PRKDC: variants seen among roughly 807,000 people sequenced by gnomAD.
PRKDC encodes protein kinase, DNA-activated, catalytic subunit.
A neutral mutation model predicts 486.9 loss-of-function variants in PRKDC; 82 were observed. The observed-to-expected ratio is 0.17, with a 90% CI of 0.14 to 0.20. PRKDC has a LOEUF of 0.20. PRKDC is among the 10% of genes least tolerant of loss of function. PRKDC has a pLI of 1.00. For missense variants in PRKDC, 4,504 were observed against 5,038.2 expected (o/e 0.89, Z 3.21); for synonymous variants, 1,895 against 1,837.0 (o/e 1.03, Z -0.81).
At position 47,803,498 on chromosome 8, in the gene PRKDC, A is replaced by G; in HGVS notation, c.9748-18T>C. 1 of 1,612,606 alleles carries G rather than the reference A, an allele frequency of 6.2e-7. No individual in the cohort carries two copies. Among genetic ancestry groups the G allele is most frequent in the Non-Finnish European group, 8.5e-7 (1 of 1,178,668 alleles). Reference sequence around the variant, plus strand: ...AAATTGTTCTGTATGAATACAATAAAAAGAGAGAAGGTGGTATGATGATAC... The same window carrying G: ...AAATTGTTCTGTATGAATACAATAAGAAGAGAGAAGGTGGTATGATGATAC... On this transcript the variant is annotated intron_variant, in intron 69 of 85. Transcript: ENST00000314191.
At chr8:47,822,315 C>A (rs1189175208) in intron 64 of PRKDC, among the ~76,000 whole-genome samples, 1 of 149,946 alleles carries the variant, frequency 6.7e-6, no homozygotes, top group Non-Finnish European at 1.5e-5. Context: ...CCACAAAAAT[C>A]CTAACTAGGA....
At chr8:47,927,990 C>G (rs1473388209) in intron 19 of PRKDC, 100 bp from the exon 20 acceptor site, 17 of 1,147,040 alleles carry the variant, frequency 1.5e-5, no homozygotes, top group Middle Eastern at 2.7e-4. Context: ...AAAATTGGCA[C>G]GTAGCCTTTA....
chr8:47,874,982 G>A (rs1268516540), intron 40 of PRKDC, among the ~76,000 whole-genome samples: 1 of 152,138 alleles, frequency 6.6e-6, no homozygotes, highest in Non-Finnish European at 1.5e-5. Context: ...CTGAACCCAG[G>A]AGGAGGTCAA....
intron 35 of PRKDC, 35 bp downstream of exon 35, chr8:47,887,512 T>A: frequency 2.0e-6 from 3 of 1,506,874 alleles, no homozygotes; most frequent in Non-Finnish European, 2.7e-6. Context: ...TTTCTATTAT[T>A]AGGGGAGTGC....
In PRKDC at chr8:47,823,873, A is replaced by G; in HGVS notation, c.8907T>C (p.Ala2969=). 2.5e-6 allele frequency: 4 copies of G among 1,613,868 alleles called. No individual in the cohort carries two copies. The highest frequency in any genetic ancestry group is 2.5e-6 in the Non-Finnish European group (3 of 1,179,830). ...TCAATTTTACCTCATCATACTGCTT[A>G]GCAGCTTCAGAATAATCACTTCTGG... is the stretch of plus-strand genomic sequence containing the variant. ...AEARSDYSEA[A]KQYDEALNKQ... Residue 2969 remains alanine, a synonymous_variant, in exon 64 of 86, where the codon GCT becomes GCC. Transcript: ENST00000314191.
rs144463751 is a variant in PRKDC, at chr8:47,858,710, A to C, written c.6346-75T>G. 1.4e-5 allele frequency: 20 copies of C among 1,443,872 alleles called. No individual in the cohort carries two copies. In the South Asian group the frequency reaches 2.4e-4, roughly 17 times the overall value. 89.4% of individuals were successfully genotyped at this position (1,443,872 alleles called of 1,614,324 possible). A position where few individuals can be genotyped will look rare whatever the true frequency, so the allele number is the denominator to read the frequency against. ...TACATTTTGATATTATGGGAAAACA[A>C]GGACAAAGTAAGACATGAACAAAAA... On this transcript the variant is annotated intron_variant, in intron 47 of 85. Coordinates refer to ENST00000314191, the MANE Select transcript of PRKDC (RefSeq NM_006904.7).
At position 47,862,499 on chromosome 8, in the gene PRKDC, A is replaced by T; in HGVS notation, c.5793T>A (p.Asn1931Lys). 2.5e-6 allele frequency: 4 copies of T among 1,613,530 alleles called. No individual in the cohort carries two copies. The highest frequency in any genetic ancestry group is 3.4e-6 in the Non-Finnish European group (4 of 1,179,656). Reference sequence around the variant, plus strand: ...AAAGTCTTCTCCTCTCCAGCAGCTGATTCTCTCCTGCCATGTTCTCTGTAA... The same window carrying T: ...AAAGTCTTCTCCTCTCCAGCAGCTGTTTCTCTCCTGCCATGTTCTCTGTAA... ...DAFTENMAGENQLLERRRLYH... is the reference protein window; with the variant it reads ...DAFTENMAGEKQLLERRRLYH... The change falls in exon 43 of 86, where the codon AAT becomes AAA. Residue 1931 changes from asparagine to lysine, a missense_variant. Asn to Lys is a moderately conservative substitution (Grantham distance 94). Transcript: ENST00000314191.
intron 40 of PRKDC, 66 bp from the exon 41 acceptor site, chr8:47,864,829 T>G: frequency 1.5e-6 from 2 of 1,335,798 alleles, no homozygotes; most frequent in South Asian, 3.3e-5. Flanking sequence ...GAGTGCCTAC[T>G]ACATAACAGG....
At chr8:47,794,543 C>A (rs1272719052) in intron 73 of PRKDC, 42 bp from the exon 74 acceptor site, 16 of 1,450,118 alleles carry the variant, frequency 1.1e-5, no homozygotes, top group Admixed American at 2.0e-5. Context: ...TAAAACATCT[C>A]ACATCATCTG....
chr8:47,959,477 G>A (rs2154504839), intron 1 of PRKDC, among the ~76,000 whole-genome samples: 1 of 152,098 alleles, frequency 6.6e-6, no homozygotes, highest in Admixed American at 6.5e-5. Context: ...AGGAGTTCGA[G>A]ACCAGCCTGA....
In PRKDC at chr8:47,864,705, C is replaced by T. The variant is rs369147816; in HGVS notation, c.5422G>A (p.Asp1808Asn). The change falls in exon 41 of 86, where the codon GAT becomes AAT. Residue 1808 changes from aspartate (D) to asparagine (N), a missense_variant. Coordinates refer to ENST00000314191, the MANE Select transcript of PRKDC (RefSeq NM_006904.7). The part of the protein sequence containing the change: ...LESVYEMFRK[D>N]DPRLSFTRQS... Reference sequence around the variant, plus strand: ...CGTGTGAAACTTAGGCGGGGGTCATCCTTCCTGAACATTTCATACACGCTT... The same window carrying T: ...CGTGTGAAACTTAGGCGGGGGTCATTCTTCCTGAACATTTCATACACGCTT... 6.2e-7 allele frequency: 1 copy of T among 1,606,522 alleles called. No individual in the cohort carries two copies. The highest frequency in any genetic ancestry group is 8.5e-7 in the Non-Finnish European group (1 of 1,176,382).
chr8:47,784,528 AC>A (rs1164832357), intron 77 of PRKDC, among the ~76,000 whole-genome samples: 3 of 152,354 alleles, frequency 2.0e-5, no homozygotes, highest in Admixed American at 6.5e-5. Context: ...GAGAATATGA[AC>A]AACCAGATTA....
At chr8:47,892,768 T>C (rs2089490257) in intron 31 of PRKDC, among the ~76,000 whole-genome samples, 1 of 152,220 alleles carries the variant, frequency 6.6e-6, no homozygotes, top group Non-Finnish European at 1.5e-5. Flanking sequence ...ATTAAGGGAC[T>C]CTGCAAAATT....
rs1022825426 is a variant in PRKDC at position 47,821,319 on chromosome 8, C to A, written c.9111+285G>T. ...CCTGTGTTTAGCCAGTGATCCGGGGCGACTTCTTGTAATATAAGAGACAAC... is the reference window on the plus strand; with the variant it reads ...CCTGTGTTTAGCCAGTGATCCGGGGAGACTTCTTGTAATATAAGAGACAAC... On this transcript the variant is annotated intron_variant, in intron 65 of 85. Transcript: ENST00000314191. Among the ~76,000 whole-genome samples, 7 of 152,068 alleles carry A rather than the reference C, an allele frequency of 4.6e-5. No individual in the cohort carries two copies. The East Asian group carries it at 1.4e-3, about 29-fold the overall frequency.
chr8:47,793,121 C>T (rs979855571), intron 74 of PRKDC, among the ~76,000 whole-genome samples: 10 of 152,212 alleles, frequency 6.6e-5, no homozygotes, highest in Admixed American at 1.3e-4. Context: ...TGGCCTCAAG[C>T]GATTCTTCCA....
At chr8:47,788,451 A>C (rs1413084334) in intron 76 of PRKDC, among the ~76,000 whole-genome samples, 4 of 152,240 alleles carry the variant, frequency 2.6e-5, no homozygotes, top group African/African-American at 9.6e-5. Flanking sequence ...GCTCTTGGTG[A>C]GCAGTTTTGT....
chr8:47,857,128 T>C, intron 49 of PRKDC, 28 bp downstream of exon 49: 1 of 1,606,382 alleles, frequency 6.2e-7, no homozygotes, highest in Non-Finnish European at 8.5e-7. Context: ...GGATAATATA[T>C]TAACATAAAA....
rs780223465 is a variant in PRKDC at position 47,799,378 on chromosome 8, G to A, written c.10129C>T (p.Leu3377=). Residue 3377 remains leucine (L), a synonymous_variant, in exon 72 of 86, where the codon CTG becomes TTG. Coordinates refer to ENST00000314191, the MANE Select transcript of PRKDC (RefSeq NM_006904.7). Reference sequence around the variant, plus strand: ...AGGTGCTGGAATGCTCTCTGGTACAGACCCGCGATCACCTGGAATTCACAG... The same window carrying A: ...AGGTGCTGGAATGCTCTCTGGTACAAACCCGCGATCACCTGGAATTCACAG... ...SEDSEKVIAG[L]YQRAFQHLSE... The A allele has an allele frequency of 6.4e-7, 1 of 1,554,360 alleles. No homozygotes were observed. The highest frequency in any genetic ancestry group is 8.7e-7 in the Non-Finnish European group (1 of 1,153,982).
At position 47,927,868 on chromosome 8, in the gene PRKDC, T is replaced by C. The variant is rs2090179144; in HGVS notation, c.2162A>G (p.Tyr721Cys). Residue 721 changes from tyrosine to cysteine, a missense_variant, in exon 20 of 86, where the codon TAC becomes TGC. Transcript: ENST00000314191. ...ACAAGAGGCCAAAAGTTCATCTTTG[T>C]ACTGCTTCATTTTAACTGCCACCTT... Reference protein sequence around the residue: ...GKEVAVKMKQYKDELLASCLT... With the variant: ...GKEVAVKMKQCKDELLASCLT... 19 of 1,585,980 alleles carry C rather than the reference T, an allele frequency of 1.2e-5. No homozygotes were observed. The highest frequency in any genetic ancestry group is 2.3e-5 in the East Asian group (1 of 43,638).
Sources: gnomAD v4.1 joint callset for allele counts (sites outside exome capture counted in the v4.1 genomes callset) on GRCh38, gnomAD v4.1.1 for gene constraint, MANE v1.5 for transcripts, NCBI Gene and HGNC (gene_info 2026-07-23, HGNC 2026-07-21) for gene names.